CPVL: variants seen among roughly 807,000 people sequenced by gnomAD.
CPVL encodes the protein carboxypeptidase vitellogenic like.
A neutral mutation model predicts 63.7 loss-of-function variants in CPVL; 51 were observed. That is an observed-to-expected ratio of 0.80 (90% CI 0.64 to 1.01). The LOEUF (loss-of-function observed/expected upper bound fraction) is 1.01, where lower values mean the gene tolerates loss of function less well. Among genes scored for constraint, CPVL ranks in the 50% least tolerant of loss-of-function variants. The pLI is 0.00. For synonymous variants in CPVL, 195 were observed against 206.0 expected (o/e 0.95, Z 0.46); for missense variants, 530 against 573.1 (o/e 0.92, Z 0.77).
In CPVL at chr7:29,155,448, G is replaced by A. The variant is rs555666310; in HGVS notation, c.-11+25842C>T. On this transcript the variant is annotated intron_variant, in intron 5 of 16. Coordinates refer to the CPVL transcript ENST00000409850. ...CACATGAGGTCATTCAGCCCTTACT[G>A]TAACCCGAAAAGGTAGATATTATAT... Among the ~76,000 whole-genome samples, 13 of 152,258 alleles carry A rather than the reference G, an allele frequency of 8.5e-5. No individual in the cohort carries two copies. In the East Asian group the frequency reaches 2.5e-3, roughly 29 times the overall value.
At chr7:29,147,232 AAC>A (rs1792864343), upstream of CPVL, 1 of 442,372 alleles carries the variant, frequency 2.3e-6, no homozygotes, top group Non-Finnish European at 4.1e-6. Flanking sequence ...GCAAGTAGAT[AAC>A]ACAAAATAAA....
At chr7:29,053,034 G>T (rs1790360989) in intron 11 of CPVL, among the ~76,000 whole-genome samples, 1 of 152,062 alleles carries the variant, frequency 6.6e-6, no homozygotes, top group African/African-American at 2.4e-5. Context: ...ACATAAAAAT[G>T]AAAAATAAAA....
chr7:29,072,347 T>G lies in CPVL; in HGVS notation c.686A>C (p.Asn229Thr), dbSNP rs140658576. The change falls in exon 8 of 13, where the codon AAC becomes ACC. Residue 229 changes from asparagine (N) to threonine (T), a missense_variant. Coordinates refer to ENST00000265394, the MANE Select transcript of CPVL (RefSeq NM_031311.5). ...ATCTCCAATAGCAATTCCGTTCAGG[T>G]TGATCTTCACCTCTCTCACAGGGTT... is the stretch of plus-strand genomic sequence containing the variant. ...SLNPVREVKI[N>T]LNGIAIGDGY... The G allele has an allele frequency of 7.2e-5, 117 of 1,613,994 alleles. No homozygotes were observed. Among genetic ancestry groups the G allele is most frequent in the African/African-American group, 4.0e-5 (3 of 74,902 alleles).
chr7:28,997,404 AT>A (rs1784187851), intron 12 of CPVL, among the ~76,000 whole-genome samples: 1 of 152,236 alleles, frequency 6.6e-6, no homozygotes, highest in African/African-American at 2.4e-5. Flanking sequence ...CAGAAAAAGT[AT>A]ATTTGGATAG....
intron 5 of CPVL, among the ~76,000 whole-genome samples, chr7:29,157,887 A>C (rs191803857): frequency 8.7e-4 from 132 of 152,366 alleles, no homozygotes; most frequent in African/African-American, 3.1e-3. Context: ...GTGCTAATGT[A>C]AAAATGCTCC....
chr7:29,044,958 G>A (rs1789471726), intron 11 of CPVL, among the ~76,000 whole-genome samples: 1 of 152,146 alleles, frequency 6.6e-6, no homozygotes, highest in South Asian at 2.1e-4. Flanking sequence ...AATCACAAGT[G>A]TACTTTCTAA....
intron 9 of CPVL, among the ~76,000 whole-genome samples, chr7:29,070,148 C>G (rs549997845): frequency 1.3e-5 from 2 of 152,230 alleles, no homozygotes; most frequent in East Asian, 3.9e-4. Flanking sequence ...AAAGACATTC[C>G]AAGCCTTCAA....
intron 6 of CPVL, among the ~76,000 whole-genome samples, chr7:29,090,747 G>C (rs1785689117): frequency 6.6e-6 from 1 of 152,140 alleles, no homozygotes; most frequent in Non-Finnish European, 1.5e-5. Flanking sequence ...TTCCAAATAA[G>C]AAAAGTGGGA....
At chr7:29,038,484 CTA>C (rs1788758548) in intron 11 of CPVL, among the ~76,000 whole-genome samples, 1 of 152,150 alleles carries the variant, frequency 6.6e-6, no homozygotes, top group Non-Finnish European at 1.5e-5. Flanking sequence ...AGCCCTTAGT[CTA>C]TGTTACTATG....
At chr7:29,086,939 C>T (rs756839916) in intron 6 of CPVL, among the ~76,000 whole-genome samples, 31 of 152,264 alleles carry the variant, frequency 2.0e-4, no homozygotes, top group Non-Finnish European at 3.5e-4. Flanking sequence ...GTCTTAGTTG[C>T]TTACCAACCC....
chr7:29,147,173 G>A (rs2128682896), upstream of CPVL: 1 of 648,878 alleles, frequency 1.5e-6, no homozygotes, highest in Non-Finnish European at 2.6e-6. Context: ...TGGGCATCGA[G>A]CCAGACAGTA....
At chr7:29,053,331 G>T (rs957011365) in intron 11 of CPVL, among the ~76,000 whole-genome samples, 7 of 152,180 alleles carry the variant, frequency 4.6e-5, no homozygotes, top group Admixed American at 3.9e-4. Flanking sequence ...TAATCACAAA[G>T]TGGAAACATG....
chr7:29,071,244 G>T (rs1230355195), intron 9 of CPVL, among the ~76,000 whole-genome samples: 2 of 152,180 alleles, frequency 1.3e-5, no homozygotes, highest in African/African-American at 4.8e-5. Context: ...AGCAATGAAA[G>T]GATATGCACA....
intron 7 of CPVL, among the ~76,000 whole-genome samples, chr7:29,083,235 G>T (rs756361654): frequency 9.9e-5 from 15 of 152,202 alleles, no homozygotes; most frequent in Non-Finnish European, 1.6e-4. Flanking sequence ...CTCGCTGAAG[G>T]TGGACATTGC....
intron 12 of CPVL, among the ~76,000 whole-genome samples, chr7:29,014,273 T>TG (rs1786168696): frequency 6.6e-6 from 1 of 152,176 alleles, no homozygotes; most frequent in African/African-American, 2.4e-5. Context: ...CGACTGCTGG[T>TG]GGGGGAGATG....
intron 1 of CPVL, among the ~76,000 whole-genome samples, chr7:29,129,200 G>A (rs1012376806): frequency 4.6e-5 from 7 of 152,156 alleles, no homozygotes; most frequent in Admixed American, 1.3e-4. Flanking sequence ...GGGTCAAGGA[G>A]TAGCAGGGGA....
At chr7:29,188,789 A>G (rs915962962) in intron 1 of CPVL, among the ~76,000 whole-genome samples, 4 of 152,186 alleles carry the variant, frequency 2.6e-5, no homozygotes, top group Non-Finnish European at 5.9e-5. Flanking sequence ...TGCTGAAAAG[A>G]AAGTCGTCAC....
chr7:29,100,530 C>G (rs1269294480), intron 3 of CPVL, among the ~76,000 whole-genome samples: 1 of 152,170 alleles, frequency 6.6e-6, no homozygotes, highest in African/African-American at 2.4e-5. Flanking sequence ...CCTCCCTTGG[C>G]CTTCCATGTC....
intron 5 of CPVL, among the ~76,000 whole-genome samples, chr7:29,093,489 A>T (rs1786071071): frequency 6.8e-6 from 1 of 147,628 alleles, no homozygotes; most frequent in Non-Finnish European, 1.5e-5. Flanking sequence ...TCTTGTCTTT[A>T]TTTGCAAGAA....
Sources: gnomAD v4.1 joint callset for allele counts (sites outside exome capture counted in the v4.1 genomes callset) on GRCh38, gnomAD v4.1.1 for gene constraint, MANE v1.5 for transcripts, NCBI Gene and HGNC (gene_info 2026-07-23, HGNC 2026-07-21) for gene names.